The following DST variants were observed in gnomAD, a reference collection of about 807,000 sequenced individuals.
DST encodes dystonin.
DST carries 253 observed loss-of-function variants against 875.2 expected under a neutral mutation model. That is an observed-to-expected ratio of 0.29 (90% CI 0.26 to 0.32). The LOEUF (loss-of-function observed/expected upper bound fraction) is 0.32, where lower values mean the gene tolerates loss of function less well. DST is among the 10% of genes least tolerant of loss of function. The pLI is 1.00. For synonymous variants in DST, 3,124 were observed against 3,197.1 expected, an observed-to-expected ratio of 0.98 and a Z score of 0.77; for missense variants, 8,287 against 9,111.6, an observed-to-expected ratio of 0.91 and a Z score of 3.68.
chr6:56,651,288 A>C lies in DST; in HGVS notation c.1215-44T>G, dbSNP rs1388866857. 2.5e-6 allele frequency: 3 copies of C among 1,179,778 alleles called. No homozygotes were observed. The African/African-American group carries it at 4.6e-5, about 18-fold the overall frequency. 73.1% of individuals were successfully genotyped at this position (1,179,778 alleles called of 1,614,324 possible). ...TGTTAATTAGGTTTTCTCATGTGCC[A>C]ATTCAACATTATATAATTATATAGG... On this transcript the variant is annotated intron_variant, in intron 10 of 103. Coordinates refer to ENST00000680361, the MANE Select transcript of DST (RefSeq NM_001374736.1).
rs772674045 is a variant in DST, at chr6:56,604,585, G to A, written c.10043C>T (p.Ser3348Phe). 5.0e-6 allele frequency: 8 copies of A among 1,611,744 alleles called. No individual in the cohort carries two copies. Among genetic ancestry groups the A allele is most frequent in the Non-Finnish European group, 3.4e-6 (4 of 1,178,942 alleles). The stretch of plus-strand genomic sequence containing the variant: ...CTTTACATCCTCCACAAATACCTGA[G>A]ACAATTCAGGAATCTGAACCTCCTT... The part of the protein sequence containing the change: ...QEKEVQIPEL[S>F]QVFVEDVKDI... Residue 3348 changes from serine (S) to phenylalanine (F), a missense_variant, in exon 40 of 104, where the codon TCT becomes TTT. Ser to Phe is a radical substitution (Grantham distance 155). Coordinates refer to ENST00000680361, the MANE Select transcript of DST (RefSeq NM_001374736.1).
intron 80 of DST, among the ~76,000 whole-genome samples, chr6:56,499,844 C>T (rs1214791564): frequency 6.6e-6 from 1 of 152,076 alleles, no homozygotes; most frequent in Non-Finnish European, 1.5e-5. Flanking sequence ...TATAAACTCA[C>T]ACCATGAGAA....
intron 4 of DST, among the ~76,000 whole-genome samples, chr6:56,752,282 T>C (rs1451840815): frequency 6.6e-6 from 1 of 152,032 alleles, no homozygotes; most frequent in East Asian, 1.9e-4. Flanking sequence ...GTAAGTGCTA[T>C]GACAGAACTA....
At chr6:56,737,175 C>A (rs1158460956) in intron 4 of DST, among the ~76,000 whole-genome samples, 19 of 152,196 alleles carry the variant, frequency 1.2e-4, no homozygotes, top group Non-Finnish European at 2.8e-4. Flanking sequence ...GCCTGGGTGA[C>A]ACAGCAAGAC....
Position 56,470,226 on chromosome 6 carries a change from C to T in DST, c.22378G>A (p.Gly7460Ser). The change falls in exon 96 of 104, where the codon GGC (glycine) becomes AGC (serine). Residue 7460 changes from glycine to serine, a missense_variant. Gly to Ser is a moderately conservative substitution (Grantham distance 56, BLOSUM62 0). Transcript: ENST00000680361. ...SAVADIFDRD[G>S]DGYIDYYEFV... ...TCATAGTAGTCAATATATCCATCGC[C>T]ATCTCTGTCAAAGATGTCTGCAACT... 3 of 1,611,070 alleles carry T rather than the reference C, an allele frequency of 1.9e-6. No homozygotes were observed. Among genetic ancestry groups the T allele is most frequent in the Non-Finnish European group, 2.5e-6 (3 of 1,178,444 alleles).
intron 49 of DST, among the ~76,000 whole-genome samples, chr6:56,590,639 T>C (rs1285750035): frequency 6.6e-6 from 1 of 151,788 alleles, no homozygotes; most frequent in African/African-American, 2.4e-5. Flanking sequence ...GGACTGAAAA[T>C]GCACATTGGA....
At chr6:56,735,833 AATTAAT>A (rs2099521331) in intron 4 of DST, among the ~76,000 whole-genome samples, 1 of 152,144 alleles carries the variant, frequency 6.6e-6, no homozygotes, top group African/African-American at 2.4e-5. Flanking sequence ...TATTCTGCTT[AATTAAT>A]ATTAAGTAGT....
chr6:56,812,101 CAAAAA>C (rs375166145), intron 4 of DST, among the ~76,000 whole-genome samples: 1 of 14,828 alleles, frequency 6.7e-5, no homozygotes, highest in Non-Finnish European at 1.6e-4. Context: ...GACTCTGACT[CAAAAA>C]AAAAAAAGAA....
At chr6:56,734,186 C>T (rs1379441873) in intron 5 of DST, among the ~76,000 whole-genome samples, 2 of 152,186 alleles carry the variant, frequency 1.3e-5, no homozygotes, top group East Asian at 1.9e-4. Context: ...AACCTTTTAT[C>T]GCTTGTGATT....
intron 92 of DST, chr6:56,474,231 C>A: frequency 2.8e-6 from 1 of 356,660 alleles, no homozygotes; most frequent in Non-Finnish European, 5.1e-6. Flanking sequence ...TGCCTGTAAT[C>A]CCAGCACTTT....
chr6:56,620,304 C>T (rs772449025), intron 36 of DST: 1 of 1,614,060 alleles, frequency 6.2e-7, no homozygotes, highest in African/African-American at 1.3e-5. Context: ...AAGGTGTTTT[C>T]CTCCAACTGA....
chr6:56,793,309 CTTAA>C (rs1488106372), intron 4 of DST, among the ~76,000 whole-genome samples: 2 of 152,002 alleles, frequency 1.3e-5, no homozygotes, highest in Admixed American at 6.6e-5. Context: ...AACACAAATA[CTTAA>C]TTATTTAGAG....
At chr6:56,900,729 G>T in intron 2 of DST, 108 bp from the exon 3 acceptor site, 1 of 757,692 alleles carries the variant, frequency 1.3e-6, no homozygotes, top group Non-Finnish European at 1.9e-6. Flanking sequence ...TATTCAGTGA[G>T]ATCACGTGCA....
chr6:56,897,688 C>T (rs1792111059), intron 3 of DST, among the ~76,000 whole-genome samples: 1 of 152,128 alleles, frequency 6.6e-6, no homozygotes, highest in Non-Finnish European at 1.5e-5. Context: ...GATTGTCTGT[C>T]CATCTCTTCC....
intron 4 of DST, among the ~76,000 whole-genome samples, chr6:56,738,379 G>A (rs922160140): frequency 2.0e-5 from 3 of 152,080 alleles, no homozygotes; most frequent in South Asian, 2.1e-4. Context: ...GGAGTGCAAC[G>A]GCATGATCTC....
intron 3 of DST, among the ~76,000 whole-genome samples, chr6:56,861,027 C>T (rs772706722): frequency 1.3e-5 from 2 of 151,142 alleles, no homozygotes; most frequent in Non-Finnish European, 3.0e-5. Flanking sequence ...ATATTCAGTT[C>T]TTCTCTATTG....
chr6:56,945,474 C>A (rs1417848209), intron 2 of DST, among the ~76,000 whole-genome samples: 1 of 152,094 alleles, frequency 6.6e-6, no homozygotes, highest in African/African-American at 2.4e-5. Flanking sequence ...AAAATAGATG[C>A]ATAAGATGTG....
chr6:56,556,656 C>T (rs924895779), intron 59 of DST, among the ~76,000 whole-genome samples: 1 of 152,170 alleles, frequency 6.6e-6, no homozygotes, highest in Non-Finnish European at 1.5e-5. Context: ...AAAGCCAGTA[C>T]TCAGACATTA....
At chr6:56,693,140 C>T in intron 9 of DST, 1 of 1,282,672 alleles carries the variant, frequency 7.8e-7, no homozygotes, top group Non-Finnish European at 1.0e-6. Flanking sequence ...CATCCACAGA[C>T]ATTCCCCATT....
Sources: gnomAD v4.1 joint callset for allele counts (sites outside exome capture counted in the v4.1 genomes callset) on GRCh38, gnomAD v4.1.1 for gene constraint, MANE v1.5 for transcripts, NCBI Gene and HGNC (gene_info 2026-07-23, HGNC 2026-07-21) for gene names.